The following THNSL1 variants were observed in gnomAD, a reference collection of about 807,000 sequenced individuals.
The protein encoded by THNSL1 is threonine synthase like 1.
A neutral mutation model predicts 50.4 loss-of-function variants in THNSL1; 48 were observed. That is an observed-to-expected ratio of 0.95 (90% CI 0.76 to 1.21). The LOEUF (loss-of-function observed/expected upper bound fraction) is 1.21, where lower values mean the gene tolerates loss of function less well. Ranked by LOEUF, THNSL1 falls within the 50% of genes most tolerant of loss-of-function variation. THNSL1 has a pLI of 0.00. For synonymous variants in THNSL1, 309 were observed against 306.1 expected (o/e 1.01, Z -0.10); for missense variants, 896 against 871.7 (o/e 1.03, Z -0.35).
the THNSL1 span, among the ~76,000 whole-genome samples, chr10:24,958,204 AC>A: frequency 6.0e-5 from 9 of 148,904 alleles, no homozygotes; most frequent in South Asian, 2.1e-4. Context: ...AAAAAAAAAA[AC>A]CTTTCAGTCT....
chr10:25,025,445 A>G lies in THNSL1; in HGVS notation c.2222A>G (p.Gln741Arg), dbSNP rs1850831375. 6.3e-7 allele frequency: 1 copy of G among 1,599,438 alleles called. No homozygotes were observed. The highest frequency in any genetic ancestry group is 1.3e-5 in the African/African-American group (1 of 74,104). ...KSHVEQLVQN[Q>R]FI ...CATGTGGAACAACTTGTCCAAAATC[A>G]ATTCATATGAAAGCTTTCAGAGTAA... Residue 741 changes from glutamine to arginine, a missense_variant, in exon 3 of 3, where the codon CAA (glutamine) becomes CGA (arginine). Coordinates refer to ENST00000376356, the MANE Select transcript of THNSL1 (RefSeq NM_024838.5).
At chr10:24,957,321 A>C in the THNSL1 span, among the ~76,000 whole-genome samples, 1 of 152,266 alleles carries the variant, frequency 6.6e-6, no homozygotes, top group East Asian at 1.9e-4. Flanking sequence ...ATGTTGTTGC[A>C]AATGACAGGA....
At chr10:24,954,576 G>A in the THNSL1 span, among the ~76,000 whole-genome samples, 5 of 152,202 alleles carry the variant, frequency 3.3e-5, no homozygotes, top group South Asian at 6.2e-4. Flanking sequence ...TAGTTTAAAC[G>A]TAAAATCCAA....
chr10:24,963,510 G>A, the THNSL1 span, among the ~76,000 whole-genome samples: 4 of 152,156 alleles, frequency 2.6e-5, no homozygotes, highest in African/African-American at 9.7e-5. Flanking sequence ...GGTTATTGAG[G>A]TTGTTATTAT....
At chr10:25,001,404 G>C in the THNSL1 span, among the ~76,000 whole-genome samples, 1 of 151,412 alleles carries the variant, frequency 6.6e-6, no homozygotes, top group Non-Finnish European at 1.5e-5. Flanking sequence ...TGTGATTCTT[G>C]GATTTTTGGA....
At chr10:24,966,036 C>T in the THNSL1 span, among the ~76,000 whole-genome samples, 25 of 152,172 alleles carry the variant, frequency 1.6e-4, no homozygotes, top group African/African-American at 5.6e-4. Context: ...TTATATTTGG[C>T]TTTGCCTGCA....
At chr10:24,978,305 A>G in the THNSL1 span, among the ~76,000 whole-genome samples, 1 of 151,920 alleles carries the variant, frequency 6.6e-6, no homozygotes, top group African/African-American at 2.4e-5. Context: ...GTGGCCTCAG[A>G]CATTGTCCTA....
At chr10:24,976,270 C>G in the THNSL1 span, among the ~76,000 whole-genome samples, 2 of 152,062 alleles carry the variant, frequency 1.3e-5, no homozygotes, top group African/African-American at 4.8e-5. Context: ...TGCATGCAGC[C>G]TGCAATCTAG....
upstream of THNSL1, among the ~76,000 whole-genome samples, chr10:25,012,530 G>T (rs979374785): frequency 5.3e-5 from 8 of 152,226 alleles, no homozygotes; most frequent in African/African-American, 1.9e-4. Context: ...GCGTGACCTG[G>T]ATGTGAGACA....
the THNSL1 span, among the ~76,000 whole-genome samples, chr10:24,993,438 A>G: frequency 1.3e-3 from 199 of 152,236 alleles, no homozygotes; most frequent in Non-Finnish European, 2.5e-3. Context: ...TTAGACTTTG[A>G]AAGAATGTCT....
chr10:25,017,621 CT>C (rs139511500), intron 1 of THNSL1, among the ~76,000 whole-genome samples: 36,106 of 142,002 alleles, frequency 0.25, 4,870 homozygotes, highest in East Asian at 0.49. Flanking sequence ...TTAAGTTTTT[CT>C]TTTTTTTTTT....
chr10:25,014,915 T>C (rs1002810290), upstream of THNSL1, among the ~76,000 whole-genome samples: 3 of 152,214 alleles, frequency 2.0e-5, no homozygotes, highest in Admixed American at 2.0e-4. Flanking sequence ...GGGCCTTGGA[T>C]ATTATCTGGT....
chr10:25,005,332 A>T, the THNSL1 span, among the ~76,000 whole-genome samples: 1 of 152,240 alleles, frequency 6.6e-6, no homozygotes, highest in African/African-American at 2.4e-5. Flanking sequence ...GATTAGACTT[A>T]CTAATCACCA....
At chr10:25,003,515 T>C in the THNSL1 span, among the ~76,000 whole-genome samples, 2 of 152,238 alleles carry the variant, frequency 1.3e-5, no homozygotes, top group African/African-American at 4.8e-5. Context: ...CCTGTGTTTC[T>C]ATTTCTGTAA....
At chr10:24,985,294 G>T in the THNSL1 span, among the ~76,000 whole-genome samples, 5 of 152,150 alleles carry the variant, frequency 3.3e-5, no homozygotes, top group African/African-American at 4.8e-5. Flanking sequence ...AAATTGTTTT[G>T]TAAAATTTTA....
upstream of THNSL1, among the ~76,000 whole-genome samples, chr10:25,015,529 AT>A (rs936950096): frequency 9.2e-5 from 14 of 152,274 alleles, no homozygotes; most frequent in Admixed American, 2.6e-4. Context: ...TAGAATTGTG[AT>A]TTTTTTCTTT....
chr10:25,005,060 G>C, the THNSL1 span, among the ~76,000 whole-genome samples: 1 of 152,126 alleles, frequency 6.6e-6, no homozygotes, highest in Non-Finnish European at 1.5e-5. Context: ...TCAAGGATCA[G>C]ATACTTGTAA....
the THNSL1 span, among the ~76,000 whole-genome samples, chr10:24,962,234 A>G: frequency 6.6e-6 from 1 of 152,232 alleles, no homozygotes; most frequent in Non-Finnish European, 1.5e-5. Context: ...TCATATATTT[A>G]TATGTGAGTA....
chr10:24,957,748 T>C, the THNSL1 span, among the ~76,000 whole-genome samples: 3 of 152,230 alleles, frequency 2.0e-5, no homozygotes, highest in African/African-American at 7.2e-5. Flanking sequence ...GCCAAAGTTC[T>C]GGGATTACAG....
Sources: allele counts gnomAD v4.1 joint callset (sites outside exome capture counted in the v4.1 genomes callset), GRCh38; gene constraint gnomAD v4.1.1; transcripts MANE v1.5; gene names NCBI Gene and HGNC (gene_info 2026-07-23, HGNC 2026-07-21).